Variants in HTR1F observed in about 807,000 individuals in gnomAD.
HTR1F encodes 5-hydroxytryptamine (serotonin) receptor 1F, G protein-coupled.
A neutral mutation model predicts 24.0 loss-of-function variants in HTR1F; 17 were observed. The observed-to-expected ratio is 0.71, with a 90% CI of 0.48 to 1.06. The LOEUF is 1.06. Ranked by LOEUF, HTR1F falls within the 50% of genes least tolerant of loss-of-function variation. The pLI is 0.00. For synonymous variants in HTR1F, 186 were observed against 156.8 expected (o/e 1.19, Z -1.39); for missense variants, 391 against 427.8 (o/e 0.91, Z 0.76).
At chr3:87,801,230 T>C (rs1386553071) in intron 1 of HTR1F, among the ~76,000 whole-genome samples, 1 of 152,198 alleles carries the variant, frequency 6.6e-6, no homozygotes, top group Non-Finnish European at 1.5e-5. Context: ...GATTCAAAGC[T>C]CTTTGGTGCT....
At chr3:87,883,554 G>T (rs866740779) in intron 2 of HTR1F, among the ~76,000 whole-genome samples, 1 of 151,998 alleles carries the variant, frequency 6.6e-6, no homozygotes, top group African/African-American at 2.4e-5. Flanking sequence ...TGAACCCATC[G>T]CAAAGAAACT....
intron 2 of HTR1F, among the ~76,000 whole-genome samples, chr3:87,934,737 A>G (rs1208987826): frequency 6.6e-6 from 1 of 152,212 alleles, no homozygotes; most frequent in African/African-American, 2.4e-5. Context: ...GCATTTTGCA[A>G]TGCTGTATCT....
intron 2 of HTR1F, among the ~76,000 whole-genome samples, chr3:87,926,158 A>G (rs1171708152): frequency 2.0e-5 from 3 of 152,208 alleles, no homozygotes; most frequent in Admixed American, 2.0e-4. Context: ...TACTGAAGTG[A>G]AAGTATGTCA....
At chr3:87,957,167 T>C (rs72915666) in intron 2 of HTR1F, among the ~76,000 whole-genome samples, 1,628 of 151,420 alleles carry the variant, frequency 0.011, 31 homozygotes, top group African/African-American at 0.037. Context: ...GGAATAGATG[T>C]TAAATTCAAT....
intron 2 of HTR1F, among the ~76,000 whole-genome samples, chr3:87,924,652 G>C (rs532269053): frequency 3.3e-5 from 5 of 152,102 alleles, no homozygotes; most frequent in Admixed American, 1.3e-4. Flanking sequence ...CACTATTCTT[G>C]GCTGTCAGTA....
chr3:87,883,013 C>T (rs1575984186), intron 2 of HTR1F, among the ~76,000 whole-genome samples: 1 of 152,128 alleles, frequency 6.6e-6, no homozygotes, highest in Non-Finnish European at 1.5e-5. Flanking sequence ...GGGTTCCTGA[C>T]CTCCATGTAG....
At chr3:87,885,886 T>C (rs1705928696) in intron 2 of HTR1F, among the ~76,000 whole-genome samples, 1 of 152,248 alleles carries the variant, frequency 6.6e-6, no homozygotes, top group Admixed American at 6.5e-5. Flanking sequence ...ACCAGACGGA[T>C]TCTCAGCCGA....
intron 1 of HTR1F, among the ~76,000 whole-genome samples, chr3:87,802,433 T>A (rs1328180078): frequency 6.6e-6 from 1 of 151,500 alleles, no homozygotes; most frequent in Non-Finnish European, 1.5e-5. Context: ...AGCCTTGAAA[T>A]TTGGGGGCCA....
chr3:87,885,465 G>A (rs555294273), intron 2 of HTR1F, among the ~76,000 whole-genome samples: 1 of 151,864 alleles, frequency 6.6e-6, no homozygotes, highest in East Asian at 1.9e-4. Flanking sequence ...ATTCAAAAGC[G>A]AGCAGAAGGC....
chr3:87,821,529 A>T (rs1434068307), intron 1 of HTR1F, among the ~76,000 whole-genome samples: 1 of 152,166 alleles, frequency 6.6e-6, no homozygotes, highest in African/African-American at 2.4e-5. Context: ...CTTACTTTCT[A>T]GATATATTTC....
Position 87,868,328 on chromosome 3 carries a change from T to C in HTR1F, c.-43+46204T>C, listed in dbSNP as rs554468838. On this transcript the variant is annotated intron_variant, in intron 2 of 2. Transcript: ENST00000319595. Reference sequence around the variant, plus strand: ...ATAAAGAACTAATCAGATTATGTGATTTTTTTCTCTGATTGAAATTTGAAT... The same window carrying C: ...ATAAAGAACTAATCAGATTATGTGACTTTTTTCTCTGATTGAAATTTGAAT... Among the ~76,000 whole-genome samples the C allele has an allele frequency of 3.0e-4, 46 of 151,982 alleles. No homozygotes were observed. The South Asian group carries it at 4.3e-3, about 14-fold the overall frequency.
At chr3:87,804,605 G>T (rs1439336042) in intron 1 of HTR1F, among the ~76,000 whole-genome samples, 1 of 151,766 alleles carries the variant, frequency 6.6e-6, no homozygotes, top group East Asian at 1.9e-4. Flanking sequence ...TATTTTTATT[G>T]TTATTTGAAT....
intron 2 of HTR1F, among the ~76,000 whole-genome samples, chr3:87,858,193 G>A (rs184321614): frequency 1.3e-5 from 2 of 152,256 alleles, no homozygotes; most frequent in East Asian, 3.9e-4. Flanking sequence ...CCAATCTGTT[G>A]AGTGAAAGTC....
At chr3:87,904,736 A>G (rs145903097) in intron 2 of HTR1F, among the ~76,000 whole-genome samples, 1 of 152,262 alleles carries the variant, frequency 6.6e-6, no homozygotes, top group Non-Finnish European at 1.5e-5. Flanking sequence ...AGCCAAGCAC[A>G]ATAGAATGCA....
chr3:87,982,135 C>T lies in HTR1F; in HGVS notation c.-42-8573C>T, dbSNP rs116848375. Among the ~76,000 whole-genome samples the T allele has an allele frequency of 4.2e-3, 641 of 152,212 alleles. 14 individuals are homozygous for T. The East Asian group carries it at 0.067, about 16-fold the overall frequency. On this transcript the variant is annotated intron_variant, in intron 2 of 2. Coordinates refer to ENST00000319595, the MANE Select transcript of HTR1F (RefSeq NM_001322209.2). ...ATGGGGTTTCACCTTTTTGACCAGA[C>T]GGGTCTCAAATTCCTGACCTCAAGT... is the stretch of plus-strand genomic sequence containing the variant.
At chr3:87,924,074 G>A (rs1419036326) in intron 2 of HTR1F, among the ~76,000 whole-genome samples, 1 of 152,052 alleles carries the variant, frequency 6.6e-6, no homozygotes, top group East Asian at 1.9e-4. Flanking sequence ...ATTGGTAGTA[G>A]TTCTCCTTTA....
rs1243946479 is a variant in HTR1F, at chr3:87,952,544, GT to G, written c.-42-38163del. Among the ~76,000 whole-genome samples the G allele has an allele frequency of 2.0e-5, 3 of 152,036 alleles. No individual in the cohort carries two copies. The East Asian group carries it at 5.8e-4, about 29-fold the overall frequency. ...CAAGTACAAAAAGTGCTAAAACATTGTCAGCATCAATAAATTGCGATCAGCC... is the reference window on the plus strand; with the variant it reads ...CAAGTACAAAAAGTGCTAAAACATTGCAGCATCAATAAATTGCGATCAGCC... On this transcript the variant is annotated intron_variant, in intron 2 of 2. Transcript: ENST00000319595.
At chr3:87,839,188 T>G (rs1184737820) in intron 2 of HTR1F, among the ~76,000 whole-genome samples, 1 of 152,002 alleles carries the variant, frequency 6.6e-6, no homozygotes, top group Admixed American at 6.6e-5. Flanking sequence ...TTTTTTCCAA[T>G]AGTTTTACAA....
intron 1 of HTR1F, among the ~76,000 whole-genome samples, chr3:87,795,807 G>C (rs1703895071): frequency 1.3e-5 from 2 of 152,048 alleles, no homozygotes; most frequent in Admixed American, 1.3e-4. Flanking sequence ...CCTTCCATTT[G>C]AAAATGAACA....
Sources: gnomAD v4.1 joint callset for allele counts (sites outside exome capture counted in the v4.1 genomes callset) on GRCh38, gnomAD v4.1.1 for gene constraint, MANE v1.5 for transcripts, NCBI Gene and HGNC (gene_info 2026-07-23, HGNC 2026-07-21) for gene names.